PCDH15: variants seen among roughly 807,000 people sequenced by gnomAD.
PCDH15 encodes protocadherin-15.
PCDH15 carries 129 observed loss-of-function variants against 178.5 expected under a neutral mutation model. The ratio of observed to expected loss-of-function variants is 0.72; its 90% confidence interval spans 0.63 to 0.84. The LOEUF (loss-of-function observed/expected upper bound fraction) is 0.84. Ranked by LOEUF, PCDH15 falls within the 40% of genes least tolerant of loss-of-function variation. PCDH15 has a pLI of 0.00. For missense variants in PCDH15, 2,230 were observed against 2,099.9 expected, an observed-to-expected ratio of 1.06 and a Z score of -1.21; for synonymous variants, 800 against 732.0, an observed-to-expected ratio of 1.09 and a Z score of -1.50.
At chr10:55,351,649 CTCTT>C (rs781331261) in intron 2 of PCDH15, among the ~76,000 whole-genome samples, 1 of 152,236 alleles carries the variant, frequency 6.6e-6, no homozygotes, top group South Asian at 2.1e-4. Context: ...AACTGTTTAT[CTCTT>C]TGTCTGAGAA....
Position 55,056,806 on chromosome 10 carries a change from G to A in PCDH15, c.-80+109770C>T, listed in dbSNP as rs910491406. ...TGCTGCCATGCCCAGCTAATTTTTT[G>A]TATTTTAATAGGAACAAGAGTTTCA... On this transcript the variant is annotated intron_variant, in intron 2 of 5. Coordinates refer to the PCDH15 transcript ENST00000458638. Among the ~76,000 whole-genome samples the A allele has an allele frequency of 2.0e-5, 3 of 151,272 alleles. No homozygotes were observed. In the East Asian group the frequency reaches 5.9e-4, roughly 29 times the overall value.
At chr10:55,513,640 T>C (rs1355613855) in intron 2 of PCDH15, among the ~76,000 whole-genome samples, 3 of 152,086 alleles carry the variant, frequency 2.0e-5, no homozygotes, top group African/African-American at 4.8e-5. Context: ...TAATAACCTA[T>C]ATACTTTTTA....
chr10:55,446,198 C>A (rs1407432860), intron 2 of PCDH15, among the ~76,000 whole-genome samples: 1 of 151,184 alleles, frequency 6.6e-6, no homozygotes, highest in African/African-American at 2.4e-5. Flanking sequence ...CACACTCACA[C>A]GAACACACAC....
chr10:55,352,050 T>C (rs1016645648), intron 2 of PCDH15, among the ~76,000 whole-genome samples: 20 of 152,160 alleles, frequency 1.3e-4, no homozygotes, highest in Admixed American at 2.0e-4. Context: ...CTTTTTATTG[T>C]TTATCAGTGA....
intron 27 of PCDH15, among the ~76,000 whole-genome samples, chr10:53,864,651 C>T (rs1187939014): frequency 6.6e-6 from 1 of 152,120 alleles, no homozygotes; most frequent in East Asian, 1.9e-4. Context: ...GAGTCACTTG[C>T]TTGAGTCCAC....
chr10:55,291,887 G>A (rs1017301125), intron 1 of PCDH15, among the ~76,000 whole-genome samples: 3 of 152,112 alleles, frequency 2.0e-5, no homozygotes, highest in Admixed American at 2.0e-4. Context: ...CAGGGAAACT[G>A]CCCCCTATAA....
intron 2 of PCDH15, among the ~76,000 whole-genome samples, chr10:55,337,130 C>T (rs751469932): frequency 2.0e-5 from 3 of 151,696 alleles, no homozygotes; most frequent in Non-Finnish European, 4.4e-5. Flanking sequence ...TTCAGAAACA[C>T]AAAATAAGAA....
In PCDH15 at chr10:53,888,311, T is replaced by TATGTACATATATATATACATATATATAC. The variant is rs1554845241; in HGVS notation, c.3501+14931_3501+14932insGTATATATATGTATATATATATGTACAT. On this transcript the variant is annotated intron_variant, in intron 26 of 37. Coordinates refer to ENST00000644397, the MANE Select transcript of PCDH15 (RefSeq NM_001384140.1). ...ATATACATATATATATATATATATG[T>TATGTACATATATATATACATATATATAC]ATATATGTACGTATATATATGTACG... 9.1e-4 allele frequency among the ~76,000 whole-genome samples: 38 copies of TATGTACATATATATATACATATATATAC among 41,822 alleles called. 1 individual carries two copies. Among genetic ancestry groups the TATGTACATATATATATACATATATATAC allele is most frequent in the African/African-American group, 3.3e-3 (34 of 10,176 alleles). The allele number at this position is 41,822 out of a possible 152,430, so 27.4% of individuals were successfully genotyped here.
Position 53,964,578 on chromosome 10 carries a change from A to G in PCDH15, c.2869-2686T>C, listed in dbSNP as rs2088791003. On this transcript the variant is annotated intron_variant, in intron 21 of 37. Coordinates refer to ENST00000644397, the MANE Select transcript of PCDH15 (RefSeq NM_001384140.1). Reference sequence around the variant, plus strand: ...ATAACCACACATCAAGGGTGCCCAGACACTTCAACTGATATCTAAAGTATT... The same window carrying G: ...ATAACCACACATCAAGGGTGCCCAGGCACTTCAACTGATATCTAAAGTATT... Among the ~76,000 whole-genome samples, 4 of 149,650 alleles carry G rather than the reference A, an allele frequency of 2.7e-5. No individual in the cohort carries two copies. In the South Asian group the frequency reaches 8.5e-4, roughly 32 times the overall value.
chr10:55,057,582 T>C (rs760912801), intron 2 of PCDH15, among the ~76,000 whole-genome samples: 1 of 152,156 alleles, frequency 6.6e-6, no homozygotes, highest in Non-Finnish European at 1.5e-5. Flanking sequence ...GAAAGCATGG[T>C]TGCAGTGTTC....
intron 2 of PCDH15, among the ~76,000 whole-genome samples, chr10:55,532,620 G>A (rs747096946): frequency 3.3e-5 from 5 of 152,034 alleles, no homozygotes; most frequent in Non-Finnish European, 5.9e-5. Context: ...AGATATGCTG[G>A]ATGAAGCAGC....
At chr10:54,045,134 T>C (rs1216444528) in intron 18 of PCDH15, among the ~76,000 whole-genome samples, 1 of 152,092 alleles carries the variant, frequency 6.6e-6, no homozygotes, top group Non-Finnish European at 1.5e-5. Context: ...ATGACCATTG[T>C]ATGGTACATT....
chr10:53,897,785 A>G (rs886858330), intron 26 of PCDH15, among the ~76,000 whole-genome samples: 2 of 152,098 alleles, frequency 1.3e-5, no homozygotes, highest in Non-Finnish European at 2.9e-5. Context: ...AGAGTCATAC[A>G]ATATTTGCCC....
At chr10:54,984,314 A>T (rs942982334) in intron 2 of PCDH15, among the ~76,000 whole-genome samples, 2 of 152,156 alleles carry the variant, frequency 1.3e-5, no homozygotes, top group African/African-American at 4.8e-5. Flanking sequence ...CACGCAAGTC[A>T]TAACGGTAAC....
chr10:55,206,596 A>T (rs1840409723), intron 1 of PCDH15, among the ~76,000 whole-genome samples: 1 of 152,120 alleles, frequency 6.6e-6, no homozygotes, highest in Non-Finnish European at 1.5e-5. Context: ...CTTTCTCTTC[A>T]CAATTAACAT....
intron 1 of PCDH15, among the ~76,000 whole-genome samples, chr10:54,714,849 T>C (rs11004471): frequency 0.12 from 18,543 of 152,200 alleles, 1,268 homozygotes; most frequent in African/African-American, 0.17. Context: ...CTTAATGTTA[T>C]AATTTTTATA....
chr10:55,228,290 A>T (rs1322041248), intron 1 of PCDH15, among the ~76,000 whole-genome samples: 2 of 152,106 alleles, frequency 1.3e-5, no homozygotes, highest in Non-Finnish European at 2.9e-5. Flanking sequence ...CAAAAAGTCC[A>T]TACGTCAAGT....
chr10:55,300,000 C>A (rs1291115450), intron 1 of PCDH15, among the ~76,000 whole-genome samples: 1 of 152,060 alleles, frequency 6.6e-6, no homozygotes, highest in Non-Finnish European at 1.5e-5. Flanking sequence ...TAAATGCATT[C>A]GTTTTATCAA....
intron 2 of PCDH15, among the ~76,000 whole-genome samples, chr10:55,481,608 G>C (rs780163453): frequency 2.0e-5 from 3 of 151,780 alleles, no homozygotes; most frequent in East Asian, 1.9e-4. Flanking sequence ...AGTCATTCTA[G>C]AGCAGGTTAT....
Sources: allele counts gnomAD v4.1 joint callset (sites outside exome capture counted in the v4.1 genomes callset), GRCh38; gene constraint gnomAD v4.1.1; transcripts MANE v1.5; gene names NCBI Gene and HGNC (gene_info 2026-07-23, HGNC 2026-07-21).